The following CMSS1 variants were observed in gnomAD, a reference collection of about 807,000 sequenced individuals.
The protein encoded by CMSS1 is protein CMSS1.
CMSS1 carries 33 observed loss-of-function variants against 43.5 expected under a neutral mutation model. That is an observed-to-expected ratio of 0.76 (90% confidence interval 0.57 to 1.01). CMSS1 has a LOEUF of 1.01. Ranked by LOEUF, CMSS1 falls within the 50% of genes least tolerant of loss-of-function variation. The pLI, the probability that CMSS1 is intolerant of heterozygous loss-of-function variation, is 0.00. For missense variants in CMSS1, 313 were observed against 326.4 expected (o/e 0.96, Z 0.32); for synonymous variants, 115 against 117.2 (o/e 0.98, Z 0.12).
intron 1 of CMSS1, among the ~76,000 whole-genome samples, chr3:100,048,875 T>G (rs1270418588): frequency 1.3e-5 from 2 of 152,222 alleles, no homozygotes; most frequent in South Asian, 2.1e-4. Flanking sequence ...AAGGTTGATA[T>G]GATGGCCTAG....
At chr3:100,156,049 G>C (rs12636771) in intron 2 of CMSS1, among the ~76,000 whole-genome samples, 1 of 151,996 alleles carries the variant, frequency 6.6e-6, no homozygotes, top group South Asian at 2.1e-4. Flanking sequence ...GTTCTAGAAA[G>C]TTTCCTTCAG....
At chr3:99,948,980 T>C (rs1708097663) in intron 1 of CMSS1, among the ~76,000 whole-genome samples, 1 of 152,178 alleles carries the variant, frequency 6.6e-6, no homozygotes, top group Non-Finnish European at 1.5e-5. Flanking sequence ...GTCTTAAAAA[T>C]GTGGCCAATT....
intron 1 of CMSS1, among the ~76,000 whole-genome samples, chr3:99,988,433 A>G (rs1468948298): frequency 6.9e-6 from 1 of 145,402 alleles, no homozygotes; most frequent in African/African-American, 2.6e-5. Flanking sequence ...AATCGCTTGA[A>G]TGTGGGAGGC....
At chr3:100,132,818 C>CAAAAAAAAAAAAAAAAAAAAAAAA in intron 1 of CMSS1, among the ~76,000 whole-genome samples, 1 of 66,360 alleles carries the variant, frequency 1.5e-5, no homozygotes, top group Non-Finnish European at 3.0e-5. Context: ...GACTCCATCC[C>CAAAAAAAAAAAAAAAAAAAAAAAA]AAAAAAAAAA....
chr3:100,156,866 C>T (rs574263709), intron 2 of CMSS1, among the ~76,000 whole-genome samples: 31 of 152,286 alleles, frequency 2.0e-4, no homozygotes, highest in Admixed American at 4.6e-4. Context: ...CCACCTGCCT[C>T]GGCCTCCCAA....
chr3:100,089,904 T>C (rs1445941551), intron 1 of CMSS1, among the ~76,000 whole-genome samples: 1 of 152,204 alleles, frequency 6.6e-6, no homozygotes, highest in African/African-American at 2.4e-5. Flanking sequence ...GGCTGTGAAC[T>C]GTAGGAATTG....
In CMSS1 at chr3:99,957,693, CTTTTTTTTTTTTT is replaced by C. The variant is rs779350496; in HGVS notation, c.64+139666_64+139678del. Among the ~76,000 whole-genome samples, 47 of 19,906 alleles carry C rather than the reference CTTTTTTTTTTTTT, an allele frequency of 2.4e-3. 1 individual carries two copies. Among genetic ancestry groups the C allele is most frequent in the African/African-American group, 7.4e-3 (44 of 5,982 alleles). The allele number at this position is 19,906 out of a possible 152,430, so 13.1% of individuals were successfully genotyped here. ...TTCTCCTTTTCTCTTTTCTTTCTTT[CTTTTTTTTTTTTT>C]TTTTTTTTTTTTTTTGGTGTGTGTG... On this transcript the variant is annotated intron_variant, in intron 1 of 9. Transcript: ENST00000421999.
intron 1 of CMSS1, among the ~76,000 whole-genome samples, chr3:100,122,211 A>G (rs1161548769): frequency 6.6e-6 from 1 of 152,224 alleles, no homozygotes; most frequent in Non-Finnish European, 1.5e-5. Flanking sequence ...GTGTACAAGT[A>G]CCCAGAACCC....
intron 1 of CMSS1, among the ~76,000 whole-genome samples, chr3:100,021,956 TGTGTGAGAGAGAGAGAGAGA>T (rs2064830594): frequency 1.1e-5 from 1 of 94,618 alleles, no homozygotes; most frequent in East Asian, 3.4e-4. Context: ...TGTGTGTGTG[TGTGTGAGAGAGAGAGAGAGA>T]GAGAGAGAGA....
chr3:100,130,194 G>C (rs1345106943), intron 1 of CMSS1, among the ~76,000 whole-genome samples: 1 of 152,172 alleles, frequency 6.6e-6, no homozygotes, highest in Non-Finnish European at 1.5e-5. Context: ...CTGTTTTATA[G>C]ATAACCCTGA....
At chr3:100,070,814 A>G (rs1216813126) in intron 1 of CMSS1, among the ~76,000 whole-genome samples, 9 of 152,172 alleles carry the variant, frequency 5.9e-5, no homozygotes, top group Admixed American at 2.0e-4. Flanking sequence ...TATTTTTAGT[A>G]GAGACCGGGT....
chr3:99,891,430 T>C (rs1706079635), intron 1 of CMSS1, among the ~76,000 whole-genome samples: 1 of 152,242 alleles, frequency 6.6e-6, no homozygotes, highest in Admixed American at 6.5e-5. Context: ...TTTTGTGCTT[T>C]GCTTTACCTT....
chr3:99,829,580 C>T (rs1942608698), intron 1 of CMSS1, among the ~76,000 whole-genome samples: 1 of 152,216 alleles, frequency 6.6e-6, no homozygotes, highest in Non-Finnish European at 1.5e-5. Flanking sequence ...AGCTCGTTGT[C>T]ACATGAATGA....
At chr3:100,176,861 G>T (rs1011206208) in intron 9 of CMSS1, among the ~76,000 whole-genome samples, 1 of 152,200 alleles carries the variant, frequency 6.6e-6, no homozygotes, top group Admixed American at 6.5e-5. Context: ...AATTTAGAAA[G>T]ATATTTTGGT....
intron 1 of CMSS1, among the ~76,000 whole-genome samples, chr3:99,884,265 C>G (rs1235220482): frequency 6.6e-6 from 1 of 152,116 alleles, no homozygotes; most frequent in African/African-American, 2.4e-5. Flanking sequence ...CTTCTTTCTC[C>G]TTGTCTTCTC....
chr3:99,886,150 T>C (rs922359084), intron 1 of CMSS1, among the ~76,000 whole-genome samples: 3 of 152,248 alleles, frequency 2.0e-5, no homozygotes, highest in Admixed American at 6.5e-5. Context: ...TTTATAGATA[T>C]AGAAGAGTCC....
At chr3:100,102,847 G>C (rs2066332651) in intron 1 of CMSS1, among the ~76,000 whole-genome samples, 5 of 152,228 alleles carry the variant, frequency 3.3e-5, no homozygotes. Flanking sequence ...AAGTGTATAG[G>C]AGAGAGGTTT....
rs368881700 is a variant in CMSS1 at position 99,818,070 on chromosome 3, C to T, written c.64+27C>T. ...TACCCACTCTGTGCCCGCGCTCCTA[C>T]GGGGCCTCTCCCGGAGCCCTTCCGT... On this transcript the variant is annotated intron_variant, in intron 1 of 9. Coordinates refer to ENST00000421999, the MANE Select transcript of CMSS1 (RefSeq NM_032359.4). The T allele has an allele frequency of 9.3e-6, 15 of 1,606,630 alleles. No homozygotes were observed. In the African/African-American group the frequency reaches 1.3e-4, roughly 14 times the overall value.
intron 1 of CMSS1, among the ~76,000 whole-genome samples, chr3:99,940,244 T>C (rs748479824): frequency 8.5e-5 from 13 of 152,218 alleles, no homozygotes; most frequent in Admixed American, 2.0e-4. Flanking sequence ...AGGAAATTAT[T>C]TTTATGTAGT....
Sources: allele counts gnomAD v4.1 joint callset (sites outside exome capture counted in the v4.1 genomes callset), GRCh38; gene constraint gnomAD v4.1.1; transcripts MANE v1.5; gene names NCBI Gene and HGNC (gene_info 2026-07-23, HGNC 2026-07-21).